Variants in DMBT1 observed in about 807,000 individuals in gnomAD.
The protein encoded by DMBT1 is scavenger receptor cysteine-rich domain-containing protein DMBT1.
DMBT1 carries 198 observed loss-of-function variants against 252.9 expected under a neutral mutation model. The observed-to-expected ratio is 0.78, with a 90% CI of 0.70 to 0.88. The LOEUF is 0.88. Among genes scored for constraint, DMBT1 ranks in the 40% least tolerant of loss-of-function variants. DMBT1 has a pLI of 0.00. For synonymous variants in DMBT1, 990 were observed against 942.7 expected (o/e 1.05, Z -0.92); for missense variants, 2,432 against 2,404.7 (o/e 1.01, Z -0.24).
At position 122,597,949 on chromosome 10, in the gene DMBT1, G is replaced by A. The variant is rs182566087; in HGVS notation, c.2918-25G>A. 312 of 1,613,762 alleles carry A rather than the reference G, an allele frequency of 1.9e-4. 5 individuals are homozygous for A. In the East Asian group the frequency reaches 6.8e-3, roughly 35 times the overall value. On this transcript the variant is annotated intron_variant, in intron 24 of 55. Coordinates refer to ENST00000338354, the MANE Select transcript of DMBT1 (RefSeq NM_001377530.1). The stretch of plus-strand genomic sequence containing the variant: ...ATTTTCACCATCAACTTTAATTCTA[G>A]CCTTTGTCTCTGTTGCAATTACAGA...
intron 48 of DMBT1, 64 bp downstream of exon 48, chr10:122,630,554 C>A: frequency 6.6e-7 from 1 of 1,511,686 alleles, no homozygotes; most frequent in Non-Finnish European, 9.1e-7. Context: ...TCTTTGGGGG[C>A]ACCATGGTTC....
At chr10:122,633,094 A>ATAAAATTT (rs1308921519) in intron 51 of DMBT1, 97 bp from the exon 52 acceptor site, 50 of 1,512,118 alleles carry the variant, frequency 3.3e-5, no homozygotes, top group Non-Finnish European at 4.2e-5. Context: ...GAATTATTTT[A>ATAAAATTT]TAAAATTTTA....
intron 7 of DMBT1, among the ~76,000 whole-genome samples, 160 bp from the exon 8 acceptor site, chr10:122,577,651 T>G (rs1424330568): frequency 6.6e-6 from 1 of 151,770 alleles, no homozygotes; most frequent in African/African-American, 2.4e-5. Flanking sequence ...GTGGGGTCCC[T>G]GAGGGACCGA....
At chr10:122,625,392 C>G in intron 45 of DMBT1, 89 bp downstream of exon 45, 2 of 1,288,080 alleles carry the variant, frequency 1.6e-6, no homozygotes, top group Non-Finnish European at 2.2e-6. Context: ...AGGGTAGACT[C>G]CCCCTGGGGG....
intron 25 of DMBT1, 107 bp from the exon 26 acceptor site, chr10:122,598,667 C>G: frequency 6.3e-7 from 1 of 1,576,260 alleles, no homozygotes; most frequent in East Asian, 2.2e-5. Context: ...AGGTGACTGC[C>G]TGCCCAGGTG....
chr10:122,639,563 C>T (rs575783133), intron 54 of DMBT1, among the ~76,000 whole-genome samples: 1 of 152,176 alleles, frequency 6.6e-6, no homozygotes, highest in East Asian at 1.9e-4. Context: ...CACAAGGTAA[C>T]GTCATCAGTT....
chr10:122,572,996 C>T (rs1323067341), intron 5 of DMBT1, among the ~76,000 whole-genome samples: 5 of 152,190 alleles, frequency 3.3e-5, no homozygotes, highest in South Asian at 4.1e-4. Context: ...GTGCTGATTT[C>T]CTTTGTTCAC....
chr10:122,631,258 A>G lies in DMBT1; in HGVS notation c.6323A>G (p.Glu2108Gly). ...GWFSHNCNHREDAGVICSGNH... is the reference protein window; with the variant it reads ...GWFSHNCNHRGDAGVICSGNH... Reference sequence around the variant, plus strand: ...TTCTCCCACAACTGTAATCATCGTGAAGATGCTGGTGTCATCTGCTCAGGT... The same window carrying G: ...TTCTCCCACAACTGTAATCATCGTGGAGATGCTGGTGTCATCTGCTCAGGT... Residue 2108 changes from glutamate (E) to glycine (G), a missense_variant, in exon 49 of 56, where the codon GAA becomes GGA. Physicochemically the swap from Glu to Gly is moderately conservative, Grantham distance 98. Around this residue, in one of 3 missense-constraint regions of DMBT1, gnomAD observed 1,162 missense variants for 1,169.0 expected, o/e 0.99. Coordinates refer to ENST00000338354, the MANE Select transcript of DMBT1 (RefSeq NM_001377530.1). 1 of 1,613,966 alleles carries G rather than the reference A, an allele frequency of 6.2e-7. No homozygotes were observed. The highest frequency in any genetic ancestry group is 8.5e-7 in the Non-Finnish European group (1 of 1,179,868).
At position 122,618,028 on chromosome 10, in the gene DMBT1, A is replaced by C. The variant is rs761112046; in HGVS notation, c.4903A>C (p.Thr1635Pro). Reference sequence around the variant, plus strand: ...GTGTTCCCCTGTAGGATCTGAATCCACTTTGGCCCTGAGACTGGTGAATGG... The same window carrying C: ...GTGTTCCCCTGTAGGATCTGAATCCCCTTTGGCCCTGAGACTGGTGAATGG... ...SRASTAGSES[T>P]LALRLVNGGD... The change falls in exon 41 of 56, where the codon ACT becomes CCT. Residue 1635 changes from threonine to proline, a missense_variant. Coordinates refer to ENST00000338354, the MANE Select transcript of DMBT1 (RefSeq NM_001377530.1). 2 of 1,612,952 alleles carry C rather than the reference A, an allele frequency of 1.2e-6. No individual in the cohort carries two copies. The highest frequency in any genetic ancestry group is 1.1e-5 in the South Asian group (1 of 91,028).
At position 122,593,645 on chromosome 10, in the gene DMBT1, C is replaced by A. The variant is rs749943642; in HGVS notation, c.2530+47C>A. 33 of 1,555,570 alleles carry A rather than the reference C, an allele frequency of 2.1e-5. 4 individuals carry two copies. The highest frequency in any genetic ancestry group is 2.6e-5 in the Non-Finnish European group (30 of 1,139,520). The stretch of plus-strand genomic sequence containing the variant: ...TCAAAATGTCCCTTCTCTTTCTGCC[C>A]AATCACCCCTTCCACACTCCACAGA... On this transcript the variant is annotated intron_variant, in intron 21 of 55. Transcript: ENST00000338354.
chr10:122,630,023 G>A (rs754572248), intron 47 of DMBT1, 30 bp downstream of exon 47: 26 of 1,612,756 alleles, frequency 1.6e-5, no homozygotes, highest in South Asian at 4.4e-5. Flanking sequence ...CTGGTGAGGG[G>A]TGAGTTCCTC....
At chr10:122,627,530 A>G (rs1171495145) in intron 46 of DMBT1, among the ~76,000 whole-genome samples, 1 of 152,230 alleles carries the variant, frequency 6.6e-6, no homozygotes, top group African/African-American at 2.4e-5. Flanking sequence ...GTATAGATAT[A>G]TCATCATTTA....
chr10:122,593,176 G>T (rs1376240176), intron 20 of DMBT1, among the ~76,000 whole-genome samples: 1 of 148,840 alleles, frequency 6.7e-6, no homozygotes, highest in East Asian at 2.1e-4. Flanking sequence ...GTGTGGGGAG[G>T]GCAGCCCCCA....
chr10:122,643,579 C>A lies in DMBT1; in HGVS notation c.*181C>A, dbSNP rs145635150. On this transcript the variant is annotated 3_prime_UTR_variant, in exon 56 of 56. Transcript: ENST00000338354. ...CCCAAGGCTCATGGTCCTTGGAGGACCCGTTGCAGGGTGAGGTCAAGAGAG... is the reference window on the plus strand; with the variant it reads ...CCCAAGGCTCATGGTCCTTGGAGGAACCGTTGCAGGGTGAGGTCAAGAGAG... The A allele has an allele frequency of 1.1e-6, 1 of 892,738 alleles. No homozygotes were observed. Among genetic ancestry groups the A allele is most frequent in the African/African-American group, 1.7e-5 (1 of 59,416 alleles). The allele number at this position is 892,738 out of a possible 1,614,324, so 55.3% of individuals were successfully genotyped here. A position where few individuals can be genotyped will look rare whatever the true frequency, so the allele number is the denominator to read the frequency against.
chr10:122,573,860 G>T (rs1463153215), intron 6 of DMBT1, 98 bp downstream of exon 6: 1 of 1,483,632 alleles, frequency 6.7e-7, no homozygotes, highest in Non-Finnish European at 9.4e-7. Context: ...ATAGAAAGTA[G>T]GGTGCTTAGC....
chr10:122,593,493 T>A, intron 20 of DMBT1, 76 bp from the exon 21 acceptor site: 1 of 1,458,866 alleles, frequency 6.9e-7, no homozygotes, highest in Non-Finnish European at 9.5e-7. Context: ...CTCGCTCATT[T>A]CTTTCCCTCC....
At chr10:122,625,001 T>C (rs2098106681) in intron 44 of DMBT1, among the ~76,000 whole-genome samples, 1 of 152,246 alleles carries the variant, frequency 6.6e-6, no homozygotes, top group Admixed American at 6.5e-5. Flanking sequence ...GCAAATGTTG[T>C]TGGCGTCTTT....
chr10:122,581,635 T>C (rs2097769338), intron 11 of DMBT1, among the ~76,000 whole-genome samples, 158 bp from the exon 12 acceptor site: 1 of 145,106 alleles, frequency 6.9e-6, no homozygotes, highest in Non-Finnish European at 1.5e-5. Context: ...CTGGATGAGT[T>C]CACAGCACAG....
intron 52 of DMBT1, among the ~76,000 whole-genome samples, chr10:122,634,304 C>T (rs1183309597): frequency 6.6e-6 from 1 of 151,906 alleles, no homozygotes; most frequent in Non-Finnish European, 1.5e-5. Context: ...AAGTAGAAAT[C>T]ATCGTTTTAA....
Sources: allele counts gnomAD v4.1 joint callset (sites outside exome capture counted in the v4.1 genomes callset), GRCh38; gene constraint gnomAD v4.1.1; regional missense constraint gnomAD v4.1.1; transcripts MANE v1.5; gene names NCBI Gene and HGNC (gene_info 2026-07-23, HGNC 2026-07-21).